Variants in TENM2 observed in about 807,000 individuals in gnomAD.
TENM2 encodes the protein teneurin-2.
Under a neutral mutation model 245.2 loss-of-function variants are expected in TENM2, and 52 were observed. The ratio of observed to expected loss-of-function variants is 0.21; its 90% CI spans 0.17 to 0.27. The LOEUF is 0.27. Among genes scored for constraint, TENM2 ranks in the 10% least tolerant of loss-of-function variants. The probability of loss-of-function intolerance (pLI) is 1.00; values close to 1 mark genes in which losing one functional copy is unlikely to be tolerated. For missense variants in TENM2, 3,046 were observed against 3,666.8 expected (o/e 0.83, Z 4.37); for synonymous variants, 1,363 against 1,438.9 (o/e 0.95, Z 1.19).
rs1404711677 is a variant in TENM2 at position 168,206,361 on chromosome 5, A to C, written c.3824+1740A>C. ...GTGATCCAGTGGGCATTTATTGAGC[A>C]TGGAGGCGAGCCAGGCATGTACTGG... On this transcript the variant is annotated intron_variant, in intron 19 of 28. Transcript: ENST00000518659. Among the ~76,000 whole-genome samples the C allele has an allele frequency of 1.3e-5, 2 of 152,262 alleles. 1 individual carries two copies.
intron 2 of TENM2, among the ~76,000 whole-genome samples, chr5:167,825,865 T>TA (rs201322387): frequency 0.024 from 3,238 of 134,014 alleles, 38 homozygotes; most frequent in Middle Eastern, 0.047. Flanking sequence ...TAATGATAAT[T>TA]AAAAAAAAAA....
intron 2 of TENM2, among the ~76,000 whole-genome samples, chr5:167,858,422 C>T (rs1771288387): frequency 6.6e-6 from 1 of 152,256 alleles, no homozygotes; most frequent in African/African-American, 2.4e-5. Flanking sequence ...TCTGAAATGG[C>T]ACATCATTGT....
At chr5:167,253,124 C>T in the TENM2 span, among the ~76,000 whole-genome samples, 5 of 151,866 alleles carry the variant, frequency 3.3e-5, no homozygotes, top group African/African-American at 1.2e-4. Context: ...ACAGGGTTCA[C>T]TCCATCACTG....
At chr5:167,474,615 G>T (rs914997085) in intron 2 of TENM2, among the ~76,000 whole-genome samples, 4 of 151,854 alleles carry the variant, frequency 2.6e-5, no homozygotes, top group African/African-American at 4.8e-5. Context: ...ATGGGTTCAG[G>T]GAATTCTCCC....
intron 2 of TENM2, among the ~76,000 whole-genome samples, chr5:167,702,571 TAC>T (rs1554102875): frequency 6.8e-6 from 1 of 147,250 alleles, no homozygotes; most frequent in African/African-American, 2.5e-5. Context: ...TATATATATA[TAC>T]ATATATATAT....
chr5:167,262,490 G>T, the TENM2 span, among the ~76,000 whole-genome samples: 1 of 152,020 alleles, frequency 6.6e-6, no homozygotes, highest in South Asian at 2.1e-4. Flanking sequence ...GCAGGGCAAG[G>T]CAGGAAGGCA....
the TENM2 span, among the ~76,000 whole-genome samples, chr5:167,206,429 G>A: frequency 6.6e-6 from 1 of 152,138 alleles, no homozygotes; most frequent in African/African-American, 2.4e-5. Context: ...TCCAATGCTA[G>A]AGAAGTCAAT....
intron 3 of TENM2, among the ~76,000 whole-genome samples, chr5:167,922,641 C>T (rs1355646953): frequency 1.3e-5 from 2 of 152,176 alleles, no homozygotes; most frequent in African/African-American, 2.4e-5. Context: ...AGGCGCAGTC[C>T]TTGGTTCTCA....
chr5:167,894,788 G>C (rs977446584), intron 3 of TENM2, among the ~76,000 whole-genome samples: 3 of 152,052 alleles, frequency 2.0e-5, no homozygotes, highest in African/African-American at 7.2e-5. Flanking sequence ...AATTACTGAG[G>C]TTTTTCTTCT....
intron 2 of TENM2, among the ~76,000 whole-genome samples, chr5:167,379,931 C>CAAAAAAAAAAAAAA (rs10622295): frequency 7.6e-6 from 1 of 132,268 alleles, no homozygotes. Flanking sequence ...AAAAACATAC[C>CAAAAAAAAAAAAAA]AAAAAAAAAA....
chr5:167,407,148 C>G (rs4242221), intron 2 of TENM2, among the ~76,000 whole-genome samples: 1 of 151,920 alleles, frequency 6.6e-6, no homozygotes, highest in Non-Finnish European at 1.5e-5. Context: ...AAGTTCATCT[C>G]TCTTTCTCCA....
At chr5:167,615,973 T>C (rs1235062405) in intron 2 of TENM2, among the ~76,000 whole-genome samples, 1 of 152,176 alleles carries the variant, frequency 6.6e-6, no homozygotes, top group Non-Finnish European at 1.5e-5. Flanking sequence ...AGAATAACCA[T>C]GTAATCAGCT....
chr5:167,745,638 C>T (rs1166083848), intron 2 of TENM2, among the ~76,000 whole-genome samples: 1 of 152,180 alleles, frequency 6.6e-6, no homozygotes, highest in African/African-American at 2.4e-5. Flanking sequence ...ATATTTTCAT[C>T]ATCCAAAAAT....
chr5:167,771,391 G>A (rs1475229168), intron 2 of TENM2, among the ~76,000 whole-genome samples: 1 of 151,950 alleles, frequency 6.6e-6, no homozygotes, highest in Admixed American at 6.6e-5. Context: ...CTTTTCCGTT[G>A]GACTCAGTAG....
intron 1 of TENM2, among the ~76,000 whole-genome samples, chr5:167,356,264 C>A (rs992330974): frequency 1.3e-5 from 2 of 148,926 alleles, no homozygotes; most frequent in African/African-American, 5.0e-5. Flanking sequence ...AGGGTTGCAT[C>A]TCTATTCTCA....
At chr5:167,354,064 A>C (rs78990355) in intron 1 of TENM2, among the ~76,000 whole-genome samples, 4,437 of 152,324 alleles carry the variant, frequency 0.029, 215 homozygotes, top group African/African-American at 0.1. Context: ...TTTCAGTCTA[A>C]CTGGGTTATA....
intron 11 of TENM2, among the ~76,000 whole-genome samples, chr5:168,126,273 G>C (rs1246665478): frequency 1.3e-5 from 2 of 152,178 alleles, no homozygotes; most frequent in Non-Finnish European, 2.9e-5. Context: ...GGCTGTCAGT[G>C]GGGGAGGAAT....
rs563732028 is a variant in TENM2, at chr5:167,824,270, GC to G, written c.503-51714del. ...CCGGGAAGGAAAGCAAGTGTGATATGCCTCACCCTGCCACCACCACCAAGGA... is the reference window on the plus strand; with the variant it reads ...CCGGGAAGGAAAGCAAGTGTGATATGCTCACCCTGCCACCACCACCAAGGA... On this transcript the variant is annotated intron_variant, in intron 2 of 28. Coordinates refer to ENST00000518659, the Ensembl canonical transcript of TENM2. Among the ~76,000 whole-genome samples the G allele has an allele frequency of 2.7e-3, 415 of 152,264 alleles. 2 individuals are homozygous for G. The highest frequency in any genetic ancestry group is 9.4e-3 in the African/African-American group (390 of 41,540).
intron 1 of TENM2, among the ~76,000 whole-genome samples, chr5:167,314,997 T>G (rs1311827154): frequency 3.3e-5 from 5 of 152,060 alleles, no homozygotes; most frequent in Admixed American, 3.3e-4. Flanking sequence ...TAAACACCAT[T>G]AATTGAGTTG....
Sources: gnomAD v4.1 joint callset for allele counts (sites outside exome capture counted in the v4.1 genomes callset) on GRCh38, gnomAD v4.1.1 for gene constraint, MANE v1.5 for transcripts, NCBI Gene and HGNC (gene_info 2026-07-23, HGNC 2026-07-21) for gene names.